Variants in NSUN3 observed in about 807,000 individuals in gnomAD.
The protein encoded by NSUN3 is NOP2/Sun RNA methyltransferase 3, also known as tRNA (cytosine(34)-C(5))-methyltransferase, mitochondrial.
A neutral mutation model predicts 36.8 loss-of-function variants in NSUN3; 24 were observed. That is an observed-to-expected ratio of 0.65 (90% CI 0.47 to 0.92). The LOEUF (loss-of-function observed/expected upper bound fraction) is 0.92, where lower values mean the gene tolerates loss of function less well. Among genes scored for constraint, NSUN3 ranks in the 40% least tolerant of loss-of-function variants. The probability of loss-of-function intolerance (pLI) is 0.00; values close to 1 mark genes in which losing one functional copy is unlikely to be tolerated. For synonymous variants in NSUN3, 146 were observed against 145.2 expected, an observed-to-expected ratio of 1.01 and a Z score of -0.04; for missense variants, 381 against 392.8, an observed-to-expected ratio of 0.97 and a Z score of 0.25.
chr3:94,103,943 C>G (rs1368238622), intron 5 of NSUN3, among the ~76,000 whole-genome samples: 1 of 152,128 alleles, frequency 6.6e-6, no homozygotes, highest in South Asian at 2.1e-4. Flanking sequence ...GCAGGTGACC[C>G]AATTAAATCT....
chr3:94,063,218 T>C, intron 1 of NSUN3, 80 bp downstream of exon 1: 1 of 1,391,028 alleles, frequency 7.2e-7, no homozygotes. Flanking sequence ...GGGAGGGTGC[T>C]GGGATGGGGG....
At chr3:94,112,247 A>C (rs2077420797) in intron 5 of NSUN3, among the ~76,000 whole-genome samples, 1 of 152,212 alleles carries the variant, frequency 6.6e-6, no homozygotes, top group Non-Finnish European at 1.5e-5. Context: ...TACTTGACCA[A>C]ATATCTGAAT....
rs896888480 is a variant in NSUN3 at position 94,128,775 on chromosome 3, T to A, written c.*2285T>A. On this transcript the variant is annotated 3_prime_UTR_variant, in exon 6 of 6. Coordinates refer to ENST00000314622, the MANE Select transcript of NSUN3 (RefSeq NM_022072.5). Reference sequence around the variant, plus strand: ...CCAAAGGTCTAATATCCAGAATCTATAAGGAACTTAAATCAGCAAGCAAAA... The same window carrying A: ...CCAAAGGTCTAATATCCAGAATCTAAAAGGAACTTAAATCAGCAAGCAAAA... Among the ~76,000 whole-genome samples, 60 of 152,076 alleles carry A rather than the reference T, an allele frequency of 3.9e-4. No homozygotes were observed. Among genetic ancestry groups the A allele is most frequent in the African/African-American group, 1.4e-3 (60 of 41,500 alleles).
At chr3:94,082,528 C>A (rs1281387829) in intron 2 of NSUN3, among the ~76,000 whole-genome samples, 1 of 152,122 alleles carries the variant, frequency 6.6e-6, no homozygotes. Flanking sequence ...CACGTATTAG[C>A]CCTAAATTGA....
intron 2 of NSUN3, among the ~76,000 whole-genome samples, chr3:94,078,112 TG>T (rs2077254197): frequency 6.6e-6 from 1 of 152,204 alleles, no homozygotes; most frequent in Admixed American, 6.5e-5. Flanking sequence ...CTGCTTTAAA[TG>T]GGTCCCAGAG....
At chr3:94,070,287 C>T (rs2077220108) in intron 2 of NSUN3, among the ~76,000 whole-genome samples, 1 of 152,002 alleles carries the variant, frequency 6.6e-6, no homozygotes, top group Non-Finnish European at 1.5e-5. Context: ...TATAGCAAGA[C>T]CTCATCTCTA....
chr3:94,095,379 T>A (rs191490052), intron 5 of NSUN3, among the ~76,000 whole-genome samples: 34 of 152,332 alleles, frequency 2.2e-4, no homozygotes, highest in Admixed American at 8.5e-4. Flanking sequence ...TTGCTGTGCA[T>A]TGTCTTTTAA....
chr3:94,121,504 A>C (rs1183408731), intron 5 of NSUN3, among the ~76,000 whole-genome samples: 1 of 152,180 alleles, frequency 6.6e-6, no homozygotes, highest in East Asian at 1.9e-4. Flanking sequence ...GGATGTGGAC[A>C]TCTTTGAGGG....
chr3:94,102,778 A>T (rs570650651), intron 5 of NSUN3, among the ~76,000 whole-genome samples: 16 of 152,308 alleles, frequency 1.1e-4, no homozygotes, highest in African/African-American at 3.6e-4. Flanking sequence ...TTTCTTTCAT[A>T]AAAAATGTGT....
chr3:94,123,460 C>G (rs560389921), intron 5 of NSUN3, among the ~76,000 whole-genome samples: 1 of 152,224 alleles, frequency 6.6e-6, no homozygotes, highest in South Asian at 2.1e-4. Flanking sequence ...TCCACTGATA[C>G]CAGTCTGATT....
rs968462153 is a variant in NSUN3, at chr3:94,127,044, A to G, written c.*554A>G. The G allele has an allele frequency of 2.0e-4, 31 of 152,378 alleles. No individual in the cohort carries two copies. The highest frequency in any genetic ancestry group is 2.0e-3 in the Admixed American group (31 of 15,296). 9.4% of individuals were successfully genotyped at this position (152,378 alleles called of 1,614,324 possible). A position where few individuals can be genotyped will look rare whatever the true frequency, so the allele number is the denominator to read the frequency against. ...GTTGTTTTCTGTTAAAGACTATATT[A>G]TGTTTACTGCAAAGGTCAGTGACTC... On this transcript the variant is annotated 3_prime_UTR_variant, in exon 6 of 6. Transcript: ENST00000314622.
At position 94,103,412 on chromosome 3, in the gene NSUN3, G is replaced by A. The variant is rs2077373721; in HGVS notation, c.743+8258G>A. Among the ~76,000 whole-genome samples, 3 of 151,626 alleles carry A rather than the reference G, an allele frequency of 2.0e-5. No homozygotes were observed. In the South Asian group the frequency reaches 6.3e-4, roughly 32 times the overall value. On this transcript the variant is annotated intron_variant, in intron 5 of 5. Transcript: ENST00000314622. ...GCAACAGGTAAATATTTAAACTAAA[G>A]AGATTTGTTTAATACACAATATTAT...
At chr3:94,104,760 C>A (rs1432147068) in intron 5 of NSUN3, among the ~76,000 whole-genome samples, 1 of 151,978 alleles carries the variant, frequency 6.6e-6, no homozygotes, top group African/African-American at 2.4e-5. Flanking sequence ...CACAAGAGAG[C>A]AAACATAGAA....
chr3:94,075,409 A>C lies in NSUN3; in HGVS notation c.123-8698A>C, dbSNP rs141049265. 3.6e-3 allele frequency among the ~76,000 whole-genome samples: 542 copies of C among 152,314 alleles called. 2 individuals carry two copies. The highest frequency in any genetic ancestry group is 0.013 in the African/African-American group (523 of 41,586). ...AAACCAAGAAGAAACTGGTCTACTT[A>C]TGTAAATGTGCATCCTGGAAAGTCA... On this transcript the variant is annotated intron_variant, in intron 2 of 5. Transcript: ENST00000314622.
intron 5 of NSUN3, among the ~76,000 whole-genome samples, chr3:94,120,812 A>G (rs776133543): frequency 6.6e-6 from 1 of 152,176 alleles, no homozygotes; most frequent in Non-Finnish European, 1.5e-5. Flanking sequence ...GCTGGAGCAC[A>G]TAATAACTTG....
chr3:94,102,219 A>AAAAAAAAAAAT (rs2077368947), intron 5 of NSUN3, among the ~76,000 whole-genome samples: 1 of 151,276 alleles, frequency 6.6e-6, no homozygotes, highest in Non-Finnish European at 1.5e-5. Flanking sequence ...AAAAAAAAAA[A>AAAAAAAAAAAT]AAAAAACACT....
At chr3:94,089,035 A>G (rs2077304528) in intron 3 of NSUN3, among the ~76,000 whole-genome samples, 1 of 152,220 alleles carries the variant, frequency 6.6e-6, no homozygotes, top group Non-Finnish European at 1.5e-5. Flanking sequence ...AGTCCTTAAT[A>G]AACCAGAATC....
intron 2 of NSUN3, among the ~76,000 whole-genome samples, chr3:94,078,135 T>C (rs1217035464): frequency 6.6e-6 from 1 of 152,204 alleles, no homozygotes; most frequent in African/African-American, 2.4e-5. Flanking sequence ...TTCTGGTATG[T>C]TGTGTCTTTG....
rs145414941 is a variant in NSUN3 at position 94,110,735 on chromosome 3, TACACACACACAC to T, written c.744-15455_744-15444del. Among the ~76,000 whole-genome samples the T allele has an allele frequency of 4.2e-5, 6 of 143,078 alleles. 1 individual carries two copies. The highest frequency in any genetic ancestry group is 4.1e-4 in the East Asian group (2 of 4,822). The allele number at this position is 143,078 out of a possible 152,430, so 93.9% of individuals were successfully genotyped here. ...GAAAAAGAGTGGAGATATACATGTA[TACACACACACAC>T]ACACACACACACACACACACGCATA... is the stretch of plus-strand genomic sequence containing the variant. On this transcript the variant is annotated intron_variant, in intron 5 of 5. Coordinates refer to ENST00000314622, the MANE Select transcript of NSUN3 (RefSeq NM_022072.5).
Sources: gnomAD v4.1 joint callset for allele counts (sites outside exome capture counted in the v4.1 genomes callset) on GRCh38, gnomAD v4.1.1 for gene constraint, MANE v1.5 for transcripts, NCBI Gene and HGNC (gene_info 2026-07-23, HGNC 2026-07-21) for gene names.